HSD17B4: variants seen among roughly 807,000 people sequenced by gnomAD.
HSD17B4 encodes hydroxysteroid 17-beta dehydrogenase 4, also known as peroxisomal multifunctional enzyme type 2.
Under a neutral mutation model 101.0 loss-of-function variants are expected in HSD17B4, and 70 were observed. The observed-to-expected ratio is 0.69, with a 90% CI of 0.57 to 0.85. The LOEUF is 0.85. HSD17B4 is among the 40% of genes least tolerant of loss of function. HSD17B4 has a pLI of 0.00. For synonymous variants in HSD17B4, 347 were observed against 297.1 expected (o/e 1.17, Z -1.73); for missense variants, 984 against 892.4 (o/e 1.10, Z -1.31).
In HSD17B4 at chr5:119,483,353, T is replaced by A. The variant is rs543323926; in HGVS notation, c.622+4332T>A. Among the ~76,000 whole-genome samples, 6 of 152,256 alleles carry A rather than the reference T, an allele frequency of 3.9e-5. No homozygotes were observed. In the South Asian group the frequency reaches 1.2e-3, roughly 32 times the overall value. ...ATGGTGGTTTGCCCTGTGACCTGAA[T>A]TCTCTGGTGCTGATAAGCAGAGTTG... On this transcript the variant is annotated intron_variant, in intron 8 of 23. Coordinates refer to ENST00000510025, the MANE Select transcript of HSD17B4 (RefSeq NM_000414.4).
At chr5:119,503,076 TTGTGTGTG>T (rs759039800) in intron 14 of HSD17B4, among the ~76,000 whole-genome samples, 151 of 140,640 alleles carry the variant, frequency 1.1e-3, no homozygotes, top group East Asian at 8.4e-3. Context: ...ACCTTGGAAA[TTGTGTGTG>T]TGTGTGTGTG....
At chr5:119,453,222 G>A (rs917373143) in intron 1 of HSD17B4, among the ~76,000 whole-genome samples, 4 of 152,208 alleles carry the variant, frequency 2.6e-5, no homozygotes, top group African/African-American at 9.6e-5. Flanking sequence ...GAAATCCACT[G>A]GAGTCTTGGC....
rs532968390 is a variant in HSD17B4 at position 119,466,240 on chromosome 5, A to C, written c.113-7668A>C. Reference sequence around the variant, plus strand: ...TAGGATTTTTGTGACTGTGTTCATCAGGGATATTGGACTTCAGTTTTCTTT... The same window carrying C: ...TAGGATTTTTGTGACTGTGTTCATCCGGGATATTGGACTTCAGTTTTCTTT... On this transcript the variant is annotated intron_variant, in intron 2 of 23. Transcript: ENST00000510025. Among the ~76,000 whole-genome samples the C allele has an allele frequency of 5.3e-5, 8 of 152,050 alleles. 1 individual carries two copies. In the East Asian group the frequency reaches 1.5e-3, roughly 29 times the overall value.
At chr5:119,484,703 C>T (rs1047594315) in intron 8 of HSD17B4, among the ~76,000 whole-genome samples, 2 of 152,128 alleles carry the variant, frequency 1.3e-5, no homozygotes, top group African/African-American at 4.8e-5. Context: ...ATATTTTCCA[C>T]ATTTGAACTA....
chr5:119,524,950 G>T (rs933574089), intron 17 of HSD17B4, among the ~76,000 whole-genome samples: 2 of 151,990 alleles, frequency 1.3e-5, no homozygotes, highest in African/African-American at 4.8e-5. Flanking sequence ...TTTCTCCTTA[G>T]GTAGTAGTAA....
chr5:119,452,904 T>A, intron 1 of HSD17B4: 1 of 1,490,504 alleles, frequency 6.7e-7, no homozygotes, highest in Non-Finnish European at 9.0e-7. Context: ...GGCTGCTGAT[T>A]GCAAAACTGG....
At chr5:119,541,792 G>A in intron 23 of HSD17B4, 113 bp from the exon 24 acceptor site, 1 of 705,264 alleles carries the variant, frequency 1.4e-6, no homozygotes, top group South Asian at 1.7e-5. Flanking sequence ...TGCCTTTGTT[G>A]TCCAGAATTA....
At chr5:119,525,378 T>G in intron 18 of HSD17B4, 93 bp downstream of exon 18, 1 of 786,758 alleles carries the variant, frequency 1.3e-6, no homozygotes, top group Middle Eastern at 2.6e-4. Flanking sequence ...GACTGGTAGT[T>G]TGAGTAGCAT....
chr5:119,523,871 A>G (rs528994396), intron 17 of HSD17B4, among the ~76,000 whole-genome samples: 32 of 152,262 alleles, frequency 2.1e-4, no homozygotes, highest in Admixed American at 1.6e-3. Context: ...GAGGCTTCGA[A>G]TGGTGAAGAA....
At position 119,530,054 on chromosome 5, in the gene HSD17B4, TA is replaced by T. The variant is rs887893707; in HGVS notation, c.1854+75del. On this transcript the variant is annotated intron_variant, in intron 21 of 23. Coordinates refer to ENST00000510025, the MANE Select transcript of HSD17B4 (RefSeq NM_000414.4). ...CAGTTAAGGTGACTTTAAGAGTGGT[TA>T]GGCTACGTTAGAAAATTAACAACCA... The T allele has an allele frequency of 1.9e-4, 162 of 850,764 alleles. No individual in the cohort carries two copies. The African/African-American group carries it at 2.4e-3, about 12-fold the overall frequency. The allele number at this position is 850,764 out of a possible 1,614,324, so 52.7% of individuals were successfully genotyped here.
intron 8 of HSD17B4, among the ~76,000 whole-genome samples, chr5:119,484,739 G>A (rs1749459567): frequency 6.6e-6 from 1 of 152,094 alleles, no homozygotes; most frequent in South Asian, 2.1e-4. Flanking sequence ...CTTGGGATTT[G>A]TAATACTACA....
chr5:119,496,945 CTTTA>C (rs372371964), intron 12 of HSD17B4, among the ~76,000 whole-genome samples: 9 of 152,278 alleles, frequency 5.9e-5, no homozygotes, highest in African/African-American at 2.2e-4. Flanking sequence ...GTCCAGAGTA[CTTTA>C]TTTGTCTTTT....
intron 2 of HSD17B4, among the ~76,000 whole-genome samples, chr5:119,460,649 T>C (rs1755135131): frequency 6.6e-6 from 1 of 152,242 alleles, no homozygotes; most frequent in Non-Finnish European, 1.5e-5. Context: ...ATTAAGCGTC[T>C]ATTATGTAGC....
chr5:119,480,455 C>T (rs988155357), intron 8 of HSD17B4, among the ~76,000 whole-genome samples: 2 of 152,016 alleles, frequency 1.3e-5, no homozygotes, highest in African/African-American at 2.4e-5. Context: ...GCCACAAAAA[C>T]CAGCAAGTTT....
intron 2 of HSD17B4, chr5:119,471,546 G>T: frequency 2.0e-6 from 1 of 510,594 alleles, no homozygotes; most frequent in South Asian, 6.6e-5. Context: ...AAAAAATCTT[G>T]TTTAAAAAAA....
intron 8 of HSD17B4, 103 bp from the exon 9 acceptor site, chr5:119,489,089 T>C (rs1428247205): frequency 1.3e-6 from 1 of 787,316 alleles, no homozygotes; most frequent in Non-Finnish European, 2.2e-6. Flanking sequence ...CATACTAATT[T>C]TGTTCCTATT....
chr5:119,531,139 T>A, intron 21 of HSD17B4, 127 bp from the exon 22 acceptor site: 1 of 828,866 alleles, frequency 1.2e-6, no homozygotes, highest in South Asian at 1.5e-5. Context: ...AAAGACACAT[T>A]GTATGAAGAA....
At chr5:119,469,436 C>A (rs377725421) in intron 2 of HSD17B4, among the ~76,000 whole-genome samples, 2 of 152,074 alleles carry the variant, frequency 1.3e-5, no homozygotes, top group Non-Finnish European at 2.9e-5. Flanking sequence ...CTCATTGCAA[C>A]CTCTGCCTCC....
intron 22 of HSD17B4, among the ~76,000 whole-genome samples, 193 bp downstream of exon 22, chr5:119,531,597 T>TTG (rs1283616942): frequency 7.7e-5 from 9 of 117,234 alleles, no homozygotes; most frequent in East Asian, 3.2e-4. Context: ...GTGTGTGTGT[T>TTG]TGTGTGTGTG....
Sources: gnomAD v4.1 joint callset for allele counts (sites outside exome capture counted in the v4.1 genomes callset) on GRCh38, gnomAD v4.1.1 for gene constraint, MANE v1.5 for transcripts, NCBI Gene and HGNC (gene_info 2026-07-23, HGNC 2026-07-21) for gene names.